Variants in PHACTR2 observed in about 807,000 individuals in gnomAD.
The protein encoded by PHACTR2 is chromosome 6 open reading frame 56.
A neutral mutation model predicts 76.0 loss-of-function variants in PHACTR2; 30 were observed. The ratio of observed to expected loss-of-function variants is 0.39; its 90% CI spans 0.30 to 0.54. The LOEUF is 0.54. PHACTR2 is among the 20% of genes least tolerant of loss of function. The pLI is 0.61. For missense variants in PHACTR2, 696 were observed against 781.1 expected, an observed-to-expected ratio of 0.89 and a Z score of 1.30; for synonymous variants, 292 against 292.5, an observed-to-expected ratio of 1.00 and a Z score of 0.02.
rs185479903 is a variant in PHACTR2 at position 143,683,202 on chromosome 6, C to A, written c.46+4993C>A. On this transcript the variant is annotated intron_variant, in intron 1 of 12. Transcript: ENST00000440869. The surrounding 1 kb of genome is among the most constrained non-coding windows in gnomAD (Gnocchi z 4.1). ...GCATCATGCCCTAGGAGGATTGAGA[C>A]TTCTAGTATTTCATTGTGAAGTGTA... Among the ~76,000 whole-genome samples the A allele has an allele frequency of 6.6e-6, 1 of 152,262 alleles. No homozygotes were observed. The highest frequency in any genetic ancestry group is 2.4e-5 in the African/African-American group (1 of 41,544).
chr6:143,593,539 A>G (rs1440845254), intron 1 of PHACTR2, among the ~76,000 whole-genome samples: 1 of 152,194 alleles, frequency 6.6e-6, no homozygotes, highest in Non-Finnish European at 1.5e-5. Context: ...CATATCTTGA[A>G]TGGGTATTAA....
At chr6:143,681,476 A>G (rs972918101) in intron 1 of PHACTR2, among the ~76,000 whole-genome samples, 1 of 151,664 alleles carries the variant, frequency 6.6e-6, no homozygotes. Flanking sequence ...AGTTCTTTGT[A>G]TACTAGATCC....
At position 143,777,961 on chromosome 6, in the gene PHACTR2, C is replaced by G. The variant is rs188753016; in HGVS notation, c.1645+578C>G. Among the ~76,000 whole-genome samples, 8 of 152,246 alleles carry G rather than the reference C, an allele frequency of 5.3e-5. No homozygotes were observed. Among genetic ancestry groups the G allele is most frequent in the Admixed American group, 4.6e-4 (7 of 15,290 alleles). ...TTCCCATTCTGTTTTTCCCTCTGTT[C>G]TCTTTGACTTTAGTTTTTACTCATC... On this transcript the variant is annotated intron_variant, in intron 9 of 12. Transcript: ENST00000440869. This position sits in a 1 kb window ranked among gnomAD's most constrained non-coding sequence, Gnocchi z 4.6.
chr6:143,720,809 C>T lies in PHACTR2; in HGVS notation c.214+8626C>T, dbSNP rs917706685. On this transcript the variant is annotated intron_variant, in intron 2 of 12. Transcript: ENST00000440869. ...TGTGTTATTTGTGGAGACGAGATCTCGCTATGTTGCCCAGGCTGGTCTCAA... is the reference window on the plus strand; with the variant it reads ...TGTGTTATTTGTGGAGACGAGATCTTGCTATGTTGCCCAGGCTGGTCTCAA... Among the ~76,000 whole-genome samples the T allele has an allele frequency of 3.9e-5, 6 of 152,088 alleles. No individual in the cohort carries two copies. In the South Asian group the frequency reaches 6.2e-4, roughly 16 times the overall value.
Position 143,641,777 on chromosome 6 carries a change from A to T in PHACTR2, c.13+33455A>T, listed in dbSNP as rs1449824079. ...GGCCTCAGCCTCCGAAAGTGCTGGG[A>T]TTACAGGTATGAGCCACCGCACCCA... On this transcript the variant is annotated intron_variant, in intron 1 of 11. Transcript: ENST00000305766. This position sits in a 1 kb window ranked among gnomAD's most constrained non-coding sequence, Gnocchi z 5.8. Among the ~76,000 whole-genome samples the T allele has an allele frequency of 6.6e-6, 1 of 152,138 alleles. No individual in the cohort carries two copies. Among genetic ancestry groups the T allele is most frequent in the Non-Finnish European group, 1.5e-5 (1 of 68,034 alleles).
chr6:143,806,318 T>C lies in PHACTR2; in HGVS notation c.1846-739T>C, dbSNP rs1776063918. ...CTTTGGGTAGCTTTAAGGATTATGC[T>C]GAAATTATAAGTTCTATTTCTATAA... is the stretch of plus-strand genomic sequence containing the variant. On this transcript the variant is annotated intron_variant, in intron 11 of 12. Transcript: ENST00000440869. This position sits in a 1 kb window ranked among gnomAD's most constrained non-coding sequence, Gnocchi z 5.8. Among the ~76,000 whole-genome samples, 1 of 152,240 alleles carries C rather than the reference T, an allele frequency of 6.6e-6. No individual in the cohort carries two copies. Among genetic ancestry groups the C allele is most frequent in the Non-Finnish European group, 1.5e-5 (1 of 68,040 alleles).
At chr6:143,538,759 C>T in intron 1 of PHACTR2, among the ~76,000 whole-genome samples, 1 of 152,218 alleles carries the variant, frequency 6.6e-6, no homozygotes. Flanking sequence ...TTTTGCCGCC[C>T]AACATGTGTA....
intron 1 of PHACTR2, among the ~76,000 whole-genome samples, chr6:143,542,914 G>A (rs529801370): frequency 6.6e-6 from 1 of 152,308 alleles, no homozygotes; most frequent in South Asian, 2.1e-4. Flanking sequence ...CATGTAGAAG[G>A]GACTGAGCCT....
rs1159151155 is a variant in PHACTR2 at position 143,683,141 on chromosome 6, A to G, written c.46+4932A>G. ...TTATTTCTAAGTACAGGCTAAAACG[A>G]TATGCCCTCAAATAGGATGGTTTCG... is the stretch of plus-strand genomic sequence containing the variant. On this transcript the variant is annotated intron_variant, in intron 1 of 12. Coordinates refer to ENST00000440869, the MANE Select transcript of PHACTR2 (RefSeq NM_001100164.2). This position sits in a 1 kb window ranked among gnomAD's most constrained non-coding sequence, Gnocchi z 4.1. Among the ~76,000 whole-genome samples, 1 of 152,240 alleles carries G rather than the reference A, an allele frequency of 6.6e-6. No homozygotes were observed. The highest frequency in any genetic ancestry group is 1.5e-5 in the Non-Finnish European group (1 of 68,036).
Position 143,800,310 on chromosome 6 carries a change from G to A in PHACTR2, c.1846-6747G>A, listed in dbSNP as rs573338399. ...CGAGTCTGGCTCTGTTGCCCAGGCT[G>A]GAGTGCAGTGGTGCAATCTCCGCTC... is the stretch of plus-strand genomic sequence containing the variant. On this transcript the variant is annotated intron_variant, in intron 11 of 12. Coordinates refer to ENST00000440869, the MANE Select transcript of PHACTR2 (RefSeq NM_001100164.2). The surrounding 1 kb of genome is among the most constrained non-coding windows in gnomAD (Gnocchi z 4.8). 9.6e-4 allele frequency among the ~76,000 whole-genome samples: 146 copies of A among 152,128 alleles called. No homozygotes were observed. The highest frequency in any genetic ancestry group is 1.5e-3 in the Non-Finnish European group (99 of 68,008).
chr6:143,763,983 T>G (rs1016261290), intron 5 of PHACTR2, among the ~76,000 whole-genome samples: 6 of 152,210 alleles, frequency 3.9e-5, no homozygotes, highest in Non-Finnish European at 5.9e-5. Flanking sequence ...AAGAGTATTC[T>G]CATAGGAGTT....
rs1357602514 is a variant in PHACTR2, at chr6:143,764,574, G to A, written c.695-687G>A. Among the ~76,000 whole-genome samples the A allele has an allele frequency of 1.3e-5, 2 of 150,784 alleles. No individual in the cohort carries two copies. Among genetic ancestry groups the A allele is most frequent in the African/African-American group, 4.9e-5 (2 of 41,016 alleles). ...TGTAAATAGGTTTTGTAAACAACAA[G>A]TTTTTTTCTGGCCTTTTGATGCTTT... On this transcript the variant is annotated intron_variant, in intron 5 of 12. Transcript: ENST00000440869. This position sits in a 1 kb window ranked among gnomAD's most constrained non-coding sequence, Gnocchi z 4.7.
chr6:143,779,775 T>C (rs1050892775), intron 9 of PHACTR2, among the ~76,000 whole-genome samples: 1 of 152,040 alleles, frequency 6.6e-6, no homozygotes, highest in Non-Finnish European at 1.5e-5. Context: ...TTAGTTTTCA[T>C]TGGTGACCAC....
At chr6:143,576,391 A>G (rs1775510711) in intron 1 of PHACTR2, among the ~76,000 whole-genome samples, 1 of 152,256 alleles carries the variant, frequency 6.6e-6, no homozygotes, top group Admixed American at 6.5e-5. Flanking sequence ...CATTAATTCA[A>G]AAAGAAGCTG....
intron 1 of PHACTR2, among the ~76,000 whole-genome samples, chr6:143,691,197 T>C (rs1256811205): frequency 6.6e-6 from 1 of 152,152 alleles, no homozygotes; most frequent in Non-Finnish European, 1.5e-5. Flanking sequence ...CCTCAACTTA[T>C]GATGGGATTA....
rs770249050 is a variant in PHACTR2 at position 143,663,570 on chromosome 6, C to A, written c.14-48446C>A. Among the ~76,000 whole-genome samples the A allele has an allele frequency of 2.6e-5, 4 of 151,998 alleles. No individual in the cohort carries two copies. The highest frequency in any genetic ancestry group is 5.9e-5 in the Non-Finnish European group (4 of 68,008). On this transcript the variant is annotated intron_variant, in intron 1 of 11. Transcript: ENST00000305766. The surrounding 1 kb of genome is among the most constrained non-coding windows in gnomAD (Gnocchi z 4.1). ...TTTTTTTAAATAAATGCGATTAAAGCTTTAAATATAGCTCTAATTACCACA... is the reference window on the plus strand; with the variant it reads ...TTTTTTTAAATAAATGCGATTAAAGATTTAAATATAGCTCTAATTACCACA...
At position 143,731,280 on chromosome 6, in the gene PHACTR2, GTTGTT is replaced by G. The variant is rs55767419; in HGVS notation, c.215-17687_215-17683del. 4.0e-5 allele frequency among the ~76,000 whole-genome samples: 6 copies of G among 151,270 alleles called. No homozygotes were observed. The highest frequency in any genetic ancestry group is 5.9e-5 in the Non-Finnish European group (4 of 67,744). On this transcript the variant is annotated intron_variant, in intron 2 of 12. Transcript: ENST00000440869. This position sits in a 1 kb window ranked among gnomAD's most constrained non-coding sequence, Gnocchi z 4.9. ...GCATCCTTAGGATAAGTCCCACTGT[GTTGTT>G]TTGTTTTGTTTTGTTTTTTGAGACG... is the stretch of plus-strand genomic sequence containing the variant.
Position 143,653,080 on chromosome 6 carries a change from G to T in PHACTR2, c.13+44758G>T, listed in dbSNP as rs1776791660. Among the ~76,000 whole-genome samples the T allele has an allele frequency of 1.3e-5, 2 of 152,336 alleles. No homozygotes were observed. Among genetic ancestry groups the T allele is most frequent in the East Asian group, 3.9e-4 (2 of 5,178 alleles). On this transcript the variant is annotated intron_variant, in intron 1 of 11. Coordinates refer to the PHACTR2 transcript ENST00000305766. This position sits in a 1 kb window ranked among gnomAD's most constrained non-coding sequence, Gnocchi z 4.9. ...CTTGATGGCACACGGTGTGATGGTT[G>T]CCTCACTGCCAGAGCATTTGTTCTG... is the stretch of plus-strand genomic sequence containing the variant.
rs1462830024 is a variant in PHACTR2, at chr6:143,755,306, CTG to C, written c.454+1396_454+1397del. 8.8e-6 allele frequency: 4 copies of C among 455,926 alleles called. No homozygotes were observed. Among genetic ancestry groups the C allele is most frequent in the Non-Finnish European group, 1.8e-5 (4 of 226,810 alleles). The allele number at this position is 455,926 out of a possible 1,614,324, so 28.2% of individuals were successfully genotyped here. The stretch of plus-strand genomic sequence containing the variant: ...AGTCTTTCTGTCCTGTCTCGCCAGA[CTG>C]TTGAATTTCAAATCCATCTGTGGTT... On this transcript the variant is annotated intron_variant, in intron 4 of 12. Transcript: ENST00000440869. The surrounding 1 kb of genome is among the most constrained non-coding windows in gnomAD (Gnocchi z 5.2).
Sources: gnomAD v4.1 joint callset for allele counts (sites outside exome capture counted in the v4.1 genomes callset) on GRCh38, gnomAD v4.1.1 for gene constraint, Gnocchi (gnomAD v3.1) non-coding constraint, MANE v1.5 for transcripts, NCBI Gene and HGNC (gene_info 2026-07-23, HGNC 2026-07-21) for gene names.